ZNF438: variants seen among roughly 807,000 people sequenced by gnomAD.
ZNF438 encodes the protein zinc finger protein 438.
In ZNF438, 25 loss-of-function variants were observed where a neutral mutation model predicts 38.0. The ratio of observed to expected loss-of-function variants is 0.66; its 90% CI spans 0.48 to 0.92. The LOEUF (loss-of-function observed/expected upper bound fraction) is 0.92, where lower values mean the gene tolerates loss of function less well. ZNF438 is among the 40% of genes least tolerant of loss of function. The pLI is 0.00. For synonymous variants in ZNF438, 372 were observed against 364.1 expected, an observed-to-expected ratio of 1.02 and a Z score of -0.25; for missense variants, 1,007 against 999.6, an observed-to-expected ratio of 1.01 and a Z score of -0.10.
In ZNF438 at chr10:31,018,853, T is replaced by C. The variant is rs142166301; in HGVS notation, c.-192+12980A>G. Among the ~76,000 whole-genome samples the C allele has an allele frequency of 3.4e-3, 521 of 152,192 alleles. 2 individuals are homozygous for C. Among genetic ancestry groups the C allele is most frequent in the Middle Eastern group, 0.017 (5 of 294 alleles). ...CCATTCCAGTTGCTGCTGCTTTCAG[T>C]TAGGGGGAAAGGGAGAGGGGTGGGC... On this transcript the variant is annotated intron_variant, in intron 1 of 5. Coordinates refer to ENST00000413025, the Ensembl canonical transcript of ZNF438.
chr10:30,906,341 C>T (rs1216342738), intron 3 of ZNF438, among the ~76,000 whole-genome samples: 2 of 152,054 alleles, frequency 1.3e-5, no homozygotes, highest in Non-Finnish European at 2.9e-5. Flanking sequence ...TCATTGTTTT[C>T]TTAATTTCTC....
At position 30,853,627 on chromosome 10, in the gene ZNF438, T is replaced by A. The variant is rs75815519; in HGVS notation, c.38-3260A>T. Among the ~76,000 whole-genome samples the A allele has an allele frequency of 5.9e-3, 897 of 152,364 alleles. 8 individuals are homozygous for A. Among genetic ancestry groups the A allele is most frequent in the African/African-American group, 0.021 (863 of 41,576 alleles). On this transcript the variant is annotated intron_variant, in intron 4 of 5. Transcript: ENST00000413025. ...GCTTCTTCTCAACGAGCATCTCCTC[T>A]GATGACCTTATTTAAAACTATATCC...
intron 1 of ZNF438, among the ~76,000 whole-genome samples, chr10:31,021,825 T>C (rs2056615746): frequency 6.6e-6 from 1 of 152,080 alleles, no homozygotes; most frequent in Non-Finnish European, 1.5e-5. Flanking sequence ...GACTCAAAAA[T>C]GAGGAACATC....
chr10:30,906,056 T>C (rs772408224), intron 3 of ZNF438, among the ~76,000 whole-genome samples: 1 of 152,200 alleles, frequency 6.6e-6, no homozygotes, highest in Non-Finnish European at 1.5e-5. Context: ...ATTCCTTGTA[T>C]TTCCATATTA....
chr10:30,954,066 C>A (rs188586326), intron 1 of ZNF438, among the ~76,000 whole-genome samples: 48 of 152,162 alleles, frequency 3.2e-4, no homozygotes, highest in Admixed American at 1.0e-3. Flanking sequence ...TCACTTGAAC[C>A]CGGGATGTGG....
intron 4 of ZNF438, among the ~76,000 whole-genome samples, chr10:30,865,296 C>T (rs2036250244): frequency 6.6e-6 from 1 of 152,208 alleles, no homozygotes; most frequent in African/African-American, 2.4e-5. Flanking sequence ...ATGCGCAATA[C>T]CCTACAGCAC....
chr10:30,911,755 T>C (rs549898948), intron 2 of ZNF438, among the ~76,000 whole-genome samples: 5 of 152,210 alleles, frequency 3.3e-5, no homozygotes, highest in African/African-American at 1.2e-4. Flanking sequence ...CTCCTCTTCA[T>C]GCTCTCTCTA....
intron 1 of ZNF438, among the ~76,000 whole-genome samples, chr10:31,031,041 T>C (rs951454498): frequency 1.3e-5 from 2 of 152,162 alleles, no homozygotes; most frequent in African/African-American, 4.8e-5. Flanking sequence ...TTTCTTGGGA[T>C]CCCCATTCTA....
chr10:30,861,799 T>C (rs557046732), intron 4 of ZNF438, among the ~76,000 whole-genome samples: 3 of 152,332 alleles, frequency 2.0e-5, no homozygotes, highest in East Asian at 3.9e-4. Flanking sequence ...AAGTTGTTTA[T>C]TTTTTGGCAA....
intron 1 of ZNF438, among the ~76,000 whole-genome samples, chr10:31,014,419 A>G (rs1030092388): frequency 6.6e-6 from 1 of 152,228 alleles, no homozygotes; most frequent in African/African-American, 2.4e-5. Context: ...CGGAAGAGCA[A>G]GAGTAAGCTC....
intron 1 of ZNF438, among the ~76,000 whole-genome samples, chr10:31,015,722 C>T (rs1260175020): frequency 6.6e-6 from 1 of 152,192 alleles, no homozygotes; most frequent in Admixed American, 6.5e-5. Context: ...CTATCAACTT[C>T]AGCTGCAATA....
intron 4 of ZNF438, chr10:30,875,488 C>T: frequency 7.1e-6 from 7 of 985,252 alleles, no homozygotes; most frequent in Non-Finnish European, 8.4e-6. Context: ...ATTATTTTTT[C>T]TCCTAAGCTT....
At chr10:31,029,550 A>G (rs964969763) in intron 1 of ZNF438, among the ~76,000 whole-genome samples, 2 of 152,100 alleles carry the variant, frequency 1.3e-5, no homozygotes, top group African/African-American at 4.8e-5. Flanking sequence ...ACCGCCTACC[A>G]TCATCTCCAC....
At chr10:30,876,305 C>G (rs909938972) in intron 4 of ZNF438, among the ~76,000 whole-genome samples, 2 of 152,140 alleles carry the variant, frequency 1.3e-5, no homozygotes, top group Non-Finnish European at 2.9e-5. Context: ...CAGAACTTCT[C>G]TTCTGTGTGG....
chr10:30,908,124 T>G (rs940534550), intron 3 of ZNF438, among the ~76,000 whole-genome samples: 2 of 152,202 alleles, frequency 1.3e-5, no homozygotes, highest in African/African-American at 4.8e-5. Context: ...TTTCCACATA[T>G]CTGTGCATTT....
intron 3 of ZNF438, among the ~76,000 whole-genome samples, chr10:30,879,532 G>C (rs1035023942): frequency 2.0e-5 from 3 of 152,048 alleles, no homozygotes; most frequent in African/African-American, 7.3e-5. Context: ...AAACTGAGCA[G>C]GACTGACATA....
chr10:30,886,506 T>C (rs1462830143), intron 3 of ZNF438, among the ~76,000 whole-genome samples: 1 of 152,208 alleles, frequency 6.6e-6, no homozygotes, highest in Admixed American at 6.5e-5. Context: ...CAAAAATGTG[T>C]TGAATACACC....
chr10:30,913,598 T>C (rs996291414), intron 2 of ZNF438, among the ~76,000 whole-genome samples: 8 of 151,958 alleles, frequency 5.3e-5, no homozygotes, highest in African/African-American at 1.9e-4. Context: ...AGTAAGTGAA[T>C]TTAGGGAGGA....
At chr10:30,892,118 A>T (rs1174799233) in intron 3 of ZNF438, among the ~76,000 whole-genome samples, 1 of 151,508 alleles carries the variant, frequency 6.6e-6, no homozygotes, top group Admixed American at 6.6e-5. Context: ...GGCTTTGATC[A>T]GTTTGGATTT....
Sources: allele counts gnomAD v4.1 joint callset (sites outside exome capture counted in the v4.1 genomes callset), GRCh38; gene constraint gnomAD v4.1.1; transcripts MANE v1.5; gene names NCBI Gene and HGNC (gene_info 2026-07-23, HGNC 2026-07-21).